TNNI3K: variants seen among roughly 807,000 people sequenced by gnomAD.
TNNI3K encodes TNNI3 interacting kinase, also known as serine/threonine-protein kinase TNNI3K.
Under a neutral mutation model 114.5 loss-of-function variants are expected in TNNI3K, and 140 were observed. The observed-to-expected ratio is 1.22, with a 90% CI of 1.07 to 1.41. The LOEUF is 1.41. TNNI3K is among the 40% of genes most tolerant of loss of function. The pLI is 0.00. For missense variants in TNNI3K, 1,125 were observed against 1,007.6 expected, an observed-to-expected ratio of 1.12 and a Z score of -1.58; for synonymous variants, 347 against 347.5, an observed-to-expected ratio of 1.00 and a Z score of 0.02.
In TNNI3K at chr1:74,449,596, G is replaced by T. The variant is rs539281184; in HGVS notation, c.2011+9974G>T. On this transcript the variant is annotated intron_variant, in intron 20 of 24. Coordinates refer to ENST00000326637, the MANE Select transcript of TNNI3K (RefSeq NM_015978.3). The stretch of plus-strand genomic sequence containing the variant: ...AAATGGAAAACAAAAAAAGGCAGGG[G>T]TTGCAATCCTAGTCTTCGATAAAAC... 4.8e-4 allele frequency among the ~76,000 whole-genome samples: 73 copies of T among 151,928 alleles called. No homozygotes were observed. In the East Asian group the frequency reaches 0.014, roughly 29 times the overall value.
intron 4 of TNNI3K, among the ~76,000 whole-genome samples, chr1:74,259,441 TGATGCC>T (rs1655534650): frequency 6.6e-6 from 1 of 152,228 alleles, no homozygotes; most frequent in Non-Finnish European, 1.5e-5. Context: ...AAAGATTAGA[TGATGCC>T]CACCCATATT....
At position 74,353,989 on chromosome 1, in the gene TNNI3K, C is replaced by A; in HGVS notation, c.1037C>A (p.Ser346Tyr). 6.2e-7 allele frequency: 1 copy of A among 1,613,570 alleles called. No homozygotes were observed. Among genetic ancestry groups the A allele is most frequent in the Non-Finnish European group, 8.5e-7 (1 of 1,179,848 alleles). Residue 346 changes from serine to tyrosine, a missense_variant, in exon 11 of 25, where the codon TCT (serine) becomes TAT (tyrosine). Transcript: ENST00000326637. Reference sequence around the variant, plus strand: ...TTCTTTTCTATTACAGGATTACACTCTGCTTGCTACCACGGTCACATTCGC... The same window carrying A: ...TTCTTTTCTATTACAGGATTACACTATGCTTGCTACCACGGTCACATTCGC... ...QGRDGHTGLHSACYHGHIRLV... is the reference protein window; with the variant it reads ...QGRDGHTGLHYACYHGHIRLV...
chr1:74,530,242 A>G (rs1426779129), intron 23 of TNNI3K, among the ~76,000 whole-genome samples: 2 of 152,236 alleles, frequency 1.3e-5, no homozygotes, highest in African/African-American at 4.8e-5. Context: ...ATAAAAAGCC[A>G]TGGAAAAAGG....
At chr1:74,281,797 T>TA (rs2100254661) in intron 5 of TNNI3K, among the ~76,000 whole-genome samples, 1 of 22,466 alleles carries the variant, frequency 4.5e-5, no homozygotes, top group South Asian at 3.6e-3. Context: ...TCATTAAACT[T>TA]ACTGATTTGT....
intron 5 of TNNI3K, among the ~76,000 whole-genome samples, chr1:74,275,932 A>AT (rs891870926): frequency 9.9e-5 from 15 of 152,198 alleles, no homozygotes; most frequent in African/African-American, 2.2e-4. Flanking sequence ...AACCAATGTG[A>AT]TTTTTCCCCC....
chr1:74,435,425 G>A (rs1666078725), intron 17 of TNNI3K, among the ~76,000 whole-genome samples: 1 of 151,906 alleles, frequency 6.6e-6, no homozygotes, highest in Admixed American at 6.6e-5. Context: ...ACCTTTTTGT[G>A]TGTGTTGTGA....
intron 5 of TNNI3K, among the ~76,000 whole-genome samples, chr1:74,305,909 A>C (rs1307159299): frequency 6.6e-6 from 1 of 152,166 alleles, no homozygotes; most frequent in Admixed American, 6.5e-5. Context: ...CAGGGGGCAC[A>C]TGTGCAGGTT....
At chr1:74,348,907 G>A (rs1370056876) in intron 9 of TNNI3K, among the ~76,000 whole-genome samples, 1 of 152,124 alleles carries the variant, frequency 6.6e-6, no homozygotes, top group Non-Finnish European at 1.5e-5. Context: ...CTGAGACTAT[G>A]GCGTTTTCTA....
rs1433337126 is a variant in TNNI3K at position 74,446,539 on chromosome 1, T to G, written c.2011+6917T>G. Reference sequence around the variant, plus strand: ...TCTTTTGCTGTGCAGAAGCTCTTTATTTTAATTAGATCCCATTTGTCAATT... The same window carrying G: ...TCTTTTGCTGTGCAGAAGCTCTTTAGTTTAATTAGATCCCATTTGTCAATT... On this transcript the variant is annotated intron_variant, in intron 20 of 24. Coordinates refer to ENST00000326637, the MANE Select transcript of TNNI3K (RefSeq NM_015978.3). 1.2e-4 allele frequency among the ~76,000 whole-genome samples: 17 copies of G among 147,790 alleles called. No individual in the cohort carries two copies. The Middle Eastern group carries it at 0.01, about 91-fold the overall frequency.
At chr1:74,363,901 G>A (rs1000580611) in intron 11 of TNNI3K, among the ~76,000 whole-genome samples, 1 of 114,998 alleles carries the variant, frequency 8.7e-6, no homozygotes, top group Non-Finnish European at 1.7e-5. Context: ...CAGTGTGAAG[G>A]GAGGAAAAAA....
chr1:74,413,795 A>G (rs1367079467), intron 17 of TNNI3K, among the ~76,000 whole-genome samples: 2 of 152,326 alleles, frequency 1.3e-5, no homozygotes, highest in East Asian at 3.9e-4. Flanking sequence ...TGTCTTTCAG[A>G]GAGAATAGAA....
intron 23 of TNNI3K, among the ~76,000 whole-genome samples, chr1:74,539,375 G>A (rs1042813704): frequency 3.9e-5 from 6 of 152,126 alleles, no homozygotes; most frequent in Admixed American, 1.3e-4. Flanking sequence ...AACTAGGGTA[G>A]TTGCTTTGAG....
At chr1:74,517,523 G>A (rs1482356947) in intron 23 of TNNI3K, among the ~76,000 whole-genome samples, 1 of 152,186 alleles carries the variant, frequency 6.6e-6, no homozygotes, top group Non-Finnish European at 1.5e-5. Flanking sequence ...AATCAGAGCA[G>A]GAGTAGCCTT....
intron 23 of TNNI3K, among the ~76,000 whole-genome samples, chr1:74,532,419 G>A (rs950902131): frequency 1.3e-5 from 2 of 151,706 alleles, no homozygotes; most frequent in Non-Finnish European, 2.9e-5. Context: ...CTCCTGAAAT[G>A]GTAACTGAAC....
intron 5 of TNNI3K, among the ~76,000 whole-genome samples, chr1:74,295,610 A>G (rs1297626112): frequency 6.6e-6 from 1 of 151,992 alleles, no homozygotes. Flanking sequence ...GTCCCTTTTC[A>G]TCTTTAGTAA....
intron 5 of TNNI3K, among the ~76,000 whole-genome samples, chr1:74,285,466 A>G (rs947705852): frequency 1.3e-5 from 2 of 152,178 alleles, no homozygotes; most frequent in Non-Finnish European, 2.9e-5. Flanking sequence ...ATGAAATGCC[A>G]CTTTCATGAA....
chr1:74,496,618 T>C (rs1293504714), intron 23 of TNNI3K, among the ~76,000 whole-genome samples: 1 of 152,188 alleles, frequency 6.6e-6, no homozygotes, highest in Non-Finnish European at 1.5e-5. Context: ...CTAATTATTA[T>C]TATTCTTTAT....
chr1:74,471,564 G>T (rs1452934149), intron 21 of TNNI3K: 28 of 400,426 alleles, frequency 7.0e-5, no homozygotes, highest in Non-Finnish European at 2.2e-5. Flanking sequence ...TTTCTCCTTT[G>T]TTTCTCTCCC....
At chr1:74,453,645 A>AGGGTCTC (rs1297546140) in intron 20 of TNNI3K, among the ~76,000 whole-genome samples, 2 of 152,162 alleles carry the variant, frequency 1.3e-5, no homozygotes, top group African/African-American at 4.8e-5. Context: ...GCTTGAAGTT[A>AGGGTCTC]GGGTCTCTTT....
Sources: gnomAD v4.1 joint callset for allele counts (sites outside exome capture counted in the v4.1 genomes callset) on GRCh38, gnomAD v4.1.1 for gene constraint, MANE v1.5 for transcripts, NCBI Gene and HGNC (gene_info 2026-07-23, HGNC 2026-07-21) for gene names.